The following LSAMP variants were observed in gnomAD, a reference collection of about 807,000 sequenced individuals.
LSAMP encodes limbic system associated membrane protein.
LSAMP carries 7 observed loss-of-function variants against 38.6 expected under a neutral mutation model. The observed-to-expected ratio is 0.18, with a 90% CI of 0.10 to 0.34. LSAMP has a LOEUF of 0.34. LSAMP is among the 10% of genes least tolerant of loss of function. The probability of loss-of-function intolerance (pLI) is 1.00; values close to 1 mark genes in which losing one functional copy is unlikely to be tolerated. For synonymous variants in LSAMP, 154 were observed against 166.8 expected (o/e 0.92, Z 0.59); for missense variants, 313 against 420.0 (o/e 0.75, Z 2.23).
chr3:115,818,809 T>C lies in LSAMP; in HGVS notation c.920-8395A>G, dbSNP rs1309432430. 1.7e-3 allele frequency among the ~76,000 whole-genome samples: 201 copies of C among 118,614 alleles called. 12 individuals are homozygous for C. Among genetic ancestry groups the C allele is most frequent in the South Asian group, 8.7e-3 (29 of 3,344 alleles). The allele number at this position is 118,614 out of a possible 152,430, so 77.8% of individuals were successfully genotyped here. On this transcript the variant is annotated intron_variant, in intron 6 of 6. Coordinates refer to ENST00000490035, the MANE Select transcript of LSAMP (RefSeq NM_002338.5). ...GTACTTTTATATATATATATATATATATATATATATATAACTGCAGCAACA... is the reference window on the plus strand; with the variant it reads ...GTACTTTTATATATATATATATATACATATATATATATAACTGCAGCAACA...
intron 1 of LSAMP, among the ~76,000 whole-genome samples, chr3:116,182,400 T>A (rs912516265): frequency 7.3e-5 from 11 of 151,304 alleles, no homozygotes; most frequent in Non-Finnish European, 3.0e-5. Context: ...GAAATATATA[T>A]ACAAGATGGT....
intron 2 of LSAMP, among the ~76,000 whole-genome samples, chr3:116,074,861 T>TTTTTTTTTTTTTA (rs1707700260): frequency 6.7e-6 from 1 of 150,338 alleles, no homozygotes; most frequent in African/African-American, 2.4e-5. Context: ...TTTTTTTTTT[T>TTTTTTTTTTTTTA]GAGATGAGTT....
chr3:116,072,310 C>T (rs1707626147), intron 2 of LSAMP, among the ~76,000 whole-genome samples: 1 of 152,104 alleles, frequency 6.6e-6, no homozygotes, highest in Admixed American at 6.6e-5. Context: ...CACTGATGGG[C>T]ATTTGGGTTG....
chr3:116,118,511 T>C (rs1708803273), intron 1 of LSAMP, among the ~76,000 whole-genome samples: 1 of 152,202 alleles, frequency 6.6e-6, no homozygotes, highest in South Asian at 2.1e-4. Flanking sequence ...TCACCATTCT[T>C]GTATATTTGT....
intron 1 of LSAMP, among the ~76,000 whole-genome samples, chr3:116,122,505 C>T (rs1183427892): frequency 6.6e-6 from 1 of 152,238 alleles, no homozygotes; most frequent in East Asian, 1.9e-4. Flanking sequence ...AAAGTACTTA[C>T]CATTCTTCAA....
At chr3:116,018,237 C>T (rs1190274846) in intron 3 of LSAMP, among the ~76,000 whole-genome samples, 3 of 151,996 alleles carry the variant, frequency 2.0e-5, no homozygotes, top group South Asian at 2.1e-4. Flanking sequence ...TAAGAATACC[C>T]GCCTAAATAT....
intron 1 of LSAMP, among the ~76,000 whole-genome samples, chr3:116,173,385 G>A (rs1444682384): frequency 2.6e-5 from 4 of 151,976 alleles, no homozygotes; most frequent in Non-Finnish European, 4.4e-5. Flanking sequence ...CCAATTAAAT[G>A]GCTGAACACT....
chr3:115,839,404 G>A (rs1226146828), intron 6 of LSAMP, among the ~76,000 whole-genome samples: 1 of 150,770 alleles, frequency 6.6e-6, no homozygotes, highest in Non-Finnish European at 1.5e-5. Flanking sequence ...AGCTATGCAG[G>A]TTGTAACAAT....
intron 4 of LSAMP, among the ~76,000 whole-genome samples, chr3:115,852,059 T>C (rs1935347267): frequency 6.6e-6 from 1 of 152,196 alleles, no homozygotes; most frequent in Non-Finnish European, 1.5e-5. Flanking sequence ...ATTATTTAAA[T>C]AGCAGAGGAT....
rs544918922 is a variant in LSAMP, at chr3:116,080,377, TGAA to T, written c.388+5944_388+5946del. 1.2e-4 allele frequency among the ~76,000 whole-genome samples: 19 copies of T among 152,302 alleles called. No individual in the cohort carries two copies. The South Asian group carries it at 2.3e-3, about 18-fold the overall frequency. On this transcript the variant is annotated intron_variant, in intron 2 of 6. Transcript: ENST00000490035. ...CTCTTTTCCCTTATTTTCTCTCCTTTGAAGAAGGAAGGACAAAAGCAGTTTAGA... is the reference window on the plus strand; with the variant it reads ...CTCTTTTCCCTTATTTTCTCTCCTTTGAAGGAAGGACAAAAGCAGTTTAGA...
In LSAMP at chr3:116,038,237, A is replaced by T. The variant is rs1941090475; in HGVS notation, c.389-18597T>A. On this transcript the variant is annotated intron_variant, in intron 2 of 6. Transcript: ENST00000490035. Reference sequence around the variant, plus strand: ...GAAAATTAACTTATAGGCCTTTACAAATTTTAAATAAAATAATGCGTGTGA... The same window carrying T: ...GAAAATTAACTTATAGGCCTTTACATATTTTAAATAAAATAATGCGTGTGA... Among the ~76,000 whole-genome samples, 7 of 152,252 alleles carry T rather than the reference A, an allele frequency of 4.6e-5. 1 individual carries two copies. In the South Asian group the frequency reaches 1.4e-3, roughly 32 times the overall value.
At chr3:115,986,441 G>A (rs1939511105) in intron 3 of LSAMP, among the ~76,000 whole-genome samples, 1 of 152,030 alleles carries the variant, frequency 6.6e-6, no homozygotes, top group Non-Finnish European at 1.5e-5. Flanking sequence ...AAAAAATAAT[G>A]AGCCCAGACT....
At chr3:116,242,995 A>T (rs2046558645) in intron 1 of LSAMP, among the ~76,000 whole-genome samples, 1 of 152,250 alleles carries the variant, frequency 6.6e-6, no homozygotes, top group Admixed American at 6.5e-5. Flanking sequence ...ATTAATGTAG[A>T]GACTTGATTA....
chr3:115,866,249 C>G (rs993217230), intron 3 of LSAMP, among the ~76,000 whole-genome samples: 1 of 152,094 alleles, frequency 6.6e-6, no homozygotes, highest in African/African-American at 2.4e-5. Flanking sequence ...GTTCTAGACA[C>G]TAGATTCATG....
chr3:115,966,578 A>G (rs533904493), intron 3 of LSAMP, among the ~76,000 whole-genome samples: 8 of 152,324 alleles, frequency 5.3e-5, no homozygotes, highest in African/African-American at 1.4e-4. Context: ...AACAAAAAAA[A>G]TGTTCATAAC....
chr3:116,422,032 C>T (rs2049135878), intron 1 of LSAMP, among the ~76,000 whole-genome samples: 1 of 152,172 alleles, frequency 6.6e-6, no homozygotes, highest in Non-Finnish European at 1.5e-5. Flanking sequence ...ATCCACGTGT[C>T]CATTAACGGG....
chr3:116,293,818 CT>C (rs1432645872), intron 1 of LSAMP, among the ~76,000 whole-genome samples: 2 of 152,070 alleles, frequency 1.3e-5, no homozygotes, highest in Non-Finnish European at 2.9e-5. Context: ...TTGTTCTATA[CT>C]TTGACGGTTT....
rs568344854 is a variant in LSAMP, at chr3:116,225,919, T to C, written c.156-139363A>G. Reference sequence around the variant, plus strand: ...TCTTCCAACATCTAAAAGAAAAGCTTTAAACCTCATAGTTTTCACCTCTAC... The same window carrying C: ...TCTTCCAACATCTAAAAGAAAAGCTCTAAACCTCATAGTTTTCACCTCTAC... On this transcript the variant is annotated intron_variant, in intron 1 of 6. Coordinates refer to ENST00000490035, the MANE Select transcript of LSAMP (RefSeq NM_002338.5). 9.8e-5 allele frequency among the ~76,000 whole-genome samples: 15 copies of C among 152,300 alleles called. No homozygotes were observed. In the South Asian group the frequency reaches 1.7e-3, roughly 17 times the overall value.
At chr3:115,986,527 G>A in intron 3 of LSAMP, among the ~76,000 whole-genome samples, 1 of 152,114 alleles carries the variant, frequency 6.6e-6, no homozygotes, top group East Asian at 1.9e-4. Flanking sequence ...TGAAGAATTT[G>A]CTTTCTTTTT....
Sources: gnomAD v4.1 joint callset for allele counts (sites outside exome capture counted in the v4.1 genomes callset) on GRCh38, gnomAD v4.1.1 for gene constraint, MANE v1.5 for transcripts, NCBI Gene and HGNC (gene_info 2026-07-23, HGNC 2026-07-21) for gene names.